The following SPAG16 variants were observed in gnomAD, a reference collection of about 807,000 sequenced individuals.
SPAG16 encodes the protein sperm associated antigen 16.
SPAG16 carries 86 observed loss-of-function variants against 80.4 expected under a neutral mutation model. The ratio of observed to expected loss-of-function variants is 1.07; its 90% CI spans 0.90 to 1.28. The LOEUF (loss-of-function observed/expected upper bound fraction) is 1.28. Among genes scored for constraint, SPAG16 ranks in the 50% most tolerant of loss-of-function variants. The pLI, the probability that SPAG16 is intolerant of heterozygous loss-of-function variation, is 0.00. For synonymous variants in SPAG16, 294 were observed against 265.9 expected, an observed-to-expected ratio of 1.11 and a Z score of -1.03; for missense variants, 870 against 765.3, an observed-to-expected ratio of 1.14 and a Z score of -1.61.
At chr2:213,603,549 G>T (rs1292670214) in intron 10 of SPAG16, among the ~76,000 whole-genome samples, 1 of 152,184 alleles carries the variant, frequency 6.6e-6, no homozygotes, top group Non-Finnish European at 1.5e-5. Flanking sequence ...TTCACTAAAA[G>T]AGATTTAAAA....
At chr2:213,355,877 C>T (rs919568538) in intron 7 of SPAG16, among the ~76,000 whole-genome samples, 4 of 151,988 alleles carry the variant, frequency 2.6e-5, no homozygotes, top group African/African-American at 7.3e-5. Context: ...GCCTGATTGC[C>T]CTGGCCAGAA....
chr2:214,049,650 G>A (rs1429225609), intron 13 of SPAG16, among the ~76,000 whole-genome samples: 1 of 152,178 alleles, frequency 6.6e-6, no homozygotes, highest in African/African-American at 2.4e-5. Flanking sequence ...TCACATTTGT[G>A]GTTGTGCATT....
At chr2:214,234,060 C>A (rs116814399) in intron 15 of SPAG16, among the ~76,000 whole-genome samples, 2,477 of 134,676 alleles carry the variant, frequency 0.018, 41 homozygotes, top group African/African-American at 0.038. Context: ...CAATAGGCCC[C>A]AGTATGTGTT....
intron 10 of SPAG16, among the ~76,000 whole-genome samples, chr2:213,556,504 G>T (rs946648351): frequency 2.0e-5 from 3 of 151,792 alleles, no homozygotes; most frequent in African/African-American, 7.3e-5. Context: ...AAGAGAAAAA[G>T]AATATCATTA....
intron 14 of SPAG16, among the ~76,000 whole-genome samples, chr2:214,135,723 G>GTCTCTC (rs372301135): frequency 1.5e-3 from 216 of 145,762 alleles, no homozygotes; most frequent in Middle Eastern, 3.5e-3. Flanking sequence ...CTGTCTCTCT[G>GTCTCTC]TCTCTCTCTC....
At chr2:214,055,180 C>T (rs1389479896) in intron 13 of SPAG16, among the ~76,000 whole-genome samples, 1 of 152,146 alleles carries the variant, frequency 6.6e-6, no homozygotes, top group African/African-American at 2.4e-5. Context: ...CCAGGAAAAA[C>T]TCACCAAATT....
intron 15 of SPAG16, among the ~76,000 whole-genome samples, chr2:214,404,305 A>G (rs1433396283): frequency 6.6e-6 from 1 of 152,198 alleles, no homozygotes; most frequent in African/African-American, 2.4e-5. Flanking sequence ...CAACTGCCAC[A>G]CGTGCATTTT....
At chr2:213,472,587 C>A (rs141260097) in intron 9 of SPAG16, among the ~76,000 whole-genome samples, 9,101 of 152,180 alleles carry the variant, frequency 0.06, 896 homozygotes, top group African/African-American at 0.21. Flanking sequence ...TTCCATTTGG[C>A]CTTTCCCACC....
intron 12 of SPAG16, among the ~76,000 whole-genome samples, chr2:213,992,690 T>G (rs1310854611): frequency 6.6e-6 from 1 of 152,172 alleles, no homozygotes; most frequent in Non-Finnish European, 1.5e-5. Context: ...TAATAAGTTA[T>G]TTAGCTGAAC....
chr2:214,394,490 A>G (rs1023480421), intron 15 of SPAG16, among the ~76,000 whole-genome samples: 1 of 152,204 alleles, frequency 6.6e-6, no homozygotes, highest in Non-Finnish European at 1.5e-5. Context: ...AGCACTTAGG[A>G]TAATATCATC....
At chr2:213,941,661 T>C (rs1375814455) in intron 12 of SPAG16, among the ~76,000 whole-genome samples, 1 of 152,178 alleles carries the variant, frequency 6.6e-6, no homozygotes, top group East Asian at 1.9e-4. Flanking sequence ...CACTTACTTC[T>C]AGACCACTTT....
At chr2:213,742,997 G>A (rs895642515) in intron 10 of SPAG16, among the ~76,000 whole-genome samples, 2 of 151,878 alleles carry the variant, frequency 1.3e-5, no homozygotes, top group African/African-American at 2.4e-5. Context: ...TCCACCTCCC[G>A]CGTTCACGCC....
intron 10 of SPAG16, among the ~76,000 whole-genome samples, chr2:213,722,397 T>A (rs1213849526): frequency 4.6e-5 from 7 of 152,210 alleles, no homozygotes. Context: ...ATTTGTAGAA[T>A]GGGAGATTTA....
In SPAG16 at chr2:214,281,276, G is replaced by T; in HGVS notation, c.1721-128864G>T. ...CCTTCTATACAGGCATAAGCAATATGACAAATGATATCTGTTACACTATCA... is the reference window on the plus strand; with the variant it reads ...CCTTCTATACAGGCATAAGCAATATTACAAATGATATCTGTTACACTATCA... On this transcript the variant is annotated intron_variant, in intron 15 of 15. Transcript: ENST00000331683. 1.2e-5 allele frequency: 3 copies of T among 243,460 alleles called. No homozygotes were observed. The South Asian group carries it at 1.8e-4, about 15-fold the overall frequency. The allele number at this position is 243,460 out of a possible 1,614,324, so 15.1% of individuals were successfully genotyped here.
intron 10 of SPAG16, among the ~76,000 whole-genome samples, chr2:213,853,662 C>T (rs779538015): frequency 6.6e-6 from 1 of 151,976 alleles, no homozygotes; most frequent in African/African-American, 2.4e-5. Flanking sequence ...TGTGACAGAG[C>T]CTTTATTTTT....
intron 13 of SPAG16, among the ~76,000 whole-genome samples, chr2:214,067,572 T>C (rs549642213): frequency 3.3e-5 from 5 of 151,882 alleles, no homozygotes; most frequent in Admixed American, 2.6e-4. Flanking sequence ...TAAAATATAC[T>C]CAAAATTTGG....
intron 12 of SPAG16, among the ~76,000 whole-genome samples, chr2:213,999,782 G>T (rs888053028): frequency 1.3e-5 from 2 of 152,224 alleles, no homozygotes. Context: ...GCGTGACCTG[G>T]ATGTGAGACT....
At chr2:214,000,970 C>T (rs540582893) in intron 12 of SPAG16, among the ~76,000 whole-genome samples, 1 of 152,228 alleles carries the variant, frequency 6.6e-6, no homozygotes, top group Admixed American at 6.5e-5. Flanking sequence ...AGCTAGAGAT[C>T]TTGCCTTTGT....
chr2:214,041,489 T>C (rs889106155), intron 13 of SPAG16, among the ~76,000 whole-genome samples: 1 of 151,640 alleles, frequency 6.6e-6, no homozygotes. Flanking sequence ...AAATGTCCTA[T>C]GTAGTCAGTG....
Sources: gnomAD v4.1 joint callset for allele counts (sites outside exome capture counted in the v4.1 genomes callset) on GRCh38, gnomAD v4.1.1 for gene constraint, MANE v1.5 for transcripts, NCBI Gene and HGNC (gene_info 2026-07-23, HGNC 2026-07-21) for gene names.